LINGO1: variants seen among roughly 807,000 people sequenced by gnomAD.
LINGO1 encodes leucine rich repeat and Ig domain containing 1.
A neutral mutation model predicts 37.3 loss-of-function variants in LINGO1; 11 were observed. The observed-to-expected ratio is 0.29, with a 90% CI of 0.19 to 0.49. The LOEUF (loss-of-function observed/expected upper bound fraction) is 0.49, where lower values mean the gene tolerates loss of function less well. Ranked by LOEUF, LINGO1 falls within the 20% of genes least tolerant of loss-of-function variation. The probability of loss-of-function intolerance (pLI) is 0.99; values close to 1 mark genes in which losing one functional copy is unlikely to be tolerated. For synonymous variants in LINGO1, 387 were observed against 403.0 expected (o/e 0.96, Z 0.48); for missense variants, 585 against 878.2 (o/e 0.67, Z 4.22).
chr15:77,745,429 GA>G (rs1233452547), intron 1 of LINGO1, among the ~76,000 whole-genome samples: 6,851 of 82,980 alleles, frequency 0.083, 208 homozygotes, highest in Middle Eastern at 0.14. Flanking sequence ...CGTCTCAAAA[GA>G]AAAAAAAAAA....
chr15:77,731,326 G>A (rs912655371), intron 2 of LINGO1, among the ~76,000 whole-genome samples: 11 of 152,064 alleles, frequency 7.2e-5, no homozygotes, highest in African/African-American at 2.7e-4. Flanking sequence ...GGAGAGACTC[G>A]GCACACAAAT....
In LINGO1 at chr15:77,742,102, T is replaced by A. The variant is rs1195393780; in HGVS notation, c.-256-7049A>T. Among the ~76,000 whole-genome samples, 3 of 152,232 alleles carry A rather than the reference T, an allele frequency of 2.0e-5. No individual in the cohort carries two copies. The East Asian group carries it at 5.8e-4, about 29-fold the overall frequency. ...GGCCTACTGCCAGGCACTGGTAAGA[T>A]GAGAGGCCAGGCAGAGGGGCCGCTC... On this transcript the variant is annotated intron_variant, in intron 1 of 3. Transcript: ENST00000561686.
intron 1 of LINGO1, among the ~76,000 whole-genome samples, chr15:77,738,759 G>T (rs2076227910): frequency 7.2e-6 from 1 of 139,208 alleles, no homozygotes; most frequent in East Asian, 2.1e-4. Context: ...AAGGAAGGAA[G>T]GAAGGAAGGA....
chr15:77,619,722 AAAAT>A (rs2073859903), intron 1 of LINGO1, among the ~76,000 whole-genome samples: 1 of 148,946 alleles, frequency 6.7e-6, no homozygotes, highest in Non-Finnish European at 1.5e-5. Context: ...AAAATAAAAT[AAAAT>A]AAAATAAAAT....
chr15:77,732,899 C>G (rs143173245), intron 2 of LINGO1, among the ~76,000 whole-genome samples: 1 of 152,206 alleles, frequency 6.6e-6, no homozygotes, highest in Non-Finnish European at 1.5e-5. Context: ...CATAAATAAT[C>G]GAAGGTGCTC....
chr15:77,630,054 A>G (rs1037313101), intron 1 of LINGO1, among the ~76,000 whole-genome samples: 1 of 152,090 alleles, frequency 6.6e-6, no homozygotes, highest in African/African-American at 2.4e-5. Context: ...GAGACTAACC[A>G]TGGAGGTGGG....
chr15:77,631,347 C>T (rs2074247692), intron 1 of LINGO1, among the ~76,000 whole-genome samples: 1 of 152,018 alleles, frequency 6.6e-6, no homozygotes, highest in Non-Finnish European at 1.5e-5. Context: ...TCTTCCCATC[C>T]TCTCAGGCCC....
upstream of LINGO1, among the ~76,000 whole-genome samples, chr15:77,699,776 C>CATCTGCACACAGTAAACACATA (rs1567532401): frequency 5.8e-3 from 1 of 172 alleles, no homozygotes; most frequent in African/African-American, 0.016. Flanking sequence ...AACCATCATT[C>CATCTGCACACAGTAAACACATA]CCCCCCTCTA....
chr15:77,747,427 C>T (rs1285028006), intron 1 of LINGO1, among the ~76,000 whole-genome samples: 1 of 152,148 alleles, frequency 6.6e-6, no homozygotes, highest in Admixed American at 6.5e-5. Context: ...CTCCAGGGTT[C>T]CCCCAAGCAG....
upstream of LINGO1, among the ~76,000 whole-genome samples, chr15:77,791,542 G>A (rs761491897): frequency 2.0e-5 from 3 of 151,942 alleles, no homozygotes; most frequent in Non-Finnish European, 4.4e-5. Flanking sequence ...TGGGCTTGAG[G>A]CAGACCATGA....
chr15:77,689,939 A>C (rs1037330531), intron 2 of LINGO1, among the ~76,000 whole-genome samples: 2 of 152,272 alleles, frequency 1.3e-5, no homozygotes, highest in Non-Finnish European at 2.9e-5. Flanking sequence ...CTTTCTGTAC[A>C]TCATCTCAGG....
intron 2 of LINGO1, among the ~76,000 whole-genome samples, chr15:77,724,834 C>A (rs891228525): frequency 6.6e-6 from 1 of 152,226 alleles, no homozygotes; most frequent in African/African-American, 2.4e-5. Context: ...ATGCCCTCCC[C>A]CACAGTCTAC....
At chr15:77,805,912 G>A (rs994904003) in intron 1 of LINGO1, among the ~76,000 whole-genome samples, 2 of 152,196 alleles carry the variant, frequency 1.3e-5, no homozygotes, top group African/African-American at 2.4e-5. Context: ...AACCACTGAT[G>A]GTCTTCCATG....
At chr15:77,687,700 C>T (rs1039373043) in intron 2 of LINGO1, among the ~76,000 whole-genome samples, 1 of 152,250 alleles carries the variant, frequency 6.6e-6, no homozygotes, top group Admixed American at 6.5e-5. Context: ...CACCCACTGC[C>T]ACCCACTGCC....
chr15:77,719,891 C>T (rs11634697), intron 2 of LINGO1, among the ~76,000 whole-genome samples: 1 of 145,556 alleles, frequency 6.9e-6, no homozygotes, highest in Non-Finnish European at 1.5e-5. Flanking sequence ...CACACATACA[C>T]ACACACACAC....
chr15:77,695,338 G>A (rs1449442088), intron 1 of LINGO1, among the ~76,000 whole-genome samples: 2 of 152,192 alleles, frequency 1.3e-5, no homozygotes, highest in South Asian at 2.1e-4. Flanking sequence ...GGGAGAAGGC[G>A]ACACAAAGAA....
At chr15:77,692,028 G>A (rs562276659) in intron 1 of LINGO1, among the ~76,000 whole-genome samples, 1 of 152,350 alleles carries the variant, frequency 6.6e-6, no homozygotes, top group East Asian at 1.9e-4. Context: ...TGTGGGCAGA[G>A]TGGGGCTTGA....
chr15:77,627,599 C>T (rs1284494166), intron 1 of LINGO1, among the ~76,000 whole-genome samples: 1 of 152,216 alleles, frequency 6.6e-6, no homozygotes, highest in Non-Finnish European at 1.5e-5. Context: ...CAATGCCAGG[C>T]TTCATGCCAG....
chr15:77,705,658 G>A (rs948750383), intron 2 of LINGO1, among the ~76,000 whole-genome samples: 6 of 152,254 alleles, frequency 3.9e-5, no homozygotes, highest in African/African-American at 1.4e-4. Flanking sequence ...CGCTCGGAAA[G>A]CCCTGACTTG....
Sources: gnomAD v4.1 joint callset for allele counts (sites outside exome capture counted in the v4.1 genomes callset) on GRCh38, gnomAD v4.1.1 for gene constraint, MANE v1.5 for transcripts, NCBI Gene and HGNC (gene_info 2026-07-23, HGNC 2026-07-21) for gene names.